The following AGTPBP1 variants were observed in gnomAD, a reference collection of about 807,000 sequenced individuals.
AGTPBP1 encodes cytosolic carboxypeptidase 1.
A neutral mutation model predicts 143.9 loss-of-function variants in AGTPBP1; 70 were observed. The ratio of observed to expected loss-of-function variants is 0.49; its 90% CI spans 0.40 to 0.59. The LOEUF is 0.59. Ranked by LOEUF, AGTPBP1 falls within the 20% of genes least tolerant of loss-of-function variation. AGTPBP1 has a pLI of 0.00. For synonymous variants in AGTPBP1, 463 were observed against 500.2 expected, an observed-to-expected ratio of 0.93 and a Z score of 0.99; for missense variants, 1,229 against 1,464.5, an observed-to-expected ratio of 0.84 and a Z score of 2.62.
At chr9:85,745,361 GGATTGATT>G (rs1824568343), upstream of AGTPBP1, among the ~76,000 whole-genome samples, 1 of 152,190 alleles carries the variant, frequency 6.6e-6, no homozygotes, top group Non-Finnish European at 1.5e-5. Flanking sequence ...TGGAGTTAGA[GGATTGATT>G]GTTATAACTA....
intron 1 of AGTPBP1, among the ~76,000 whole-genome samples, chr9:85,724,227 C>T (rs1296336622): frequency 1.4e-5 from 2 of 142,218 alleles, no homozygotes; most frequent in Non-Finnish European, 3.0e-5. Context: ...GCAGGGGTTA[C>T]AGTGAGCCAA....
intron 25 of AGTPBP1, among the ~76,000 whole-genome samples, chr9:85,568,974 T>G (rs1827283176): frequency 6.6e-6 from 1 of 152,092 alleles, no homozygotes; most frequent in African/African-American, 2.4e-5. Context: ...ATTGTAAGTA[T>G]TTTGGAGTTG....
Position 85,626,158 on chromosome 9 carries a change from T to C in AGTPBP1, c.2016-4873A>G, listed in dbSNP as rs1035081578. Among the ~76,000 whole-genome samples the C allele has an allele frequency of 5.3e-5, 8 of 152,142 alleles. No homozygotes were observed. In the East Asian group the frequency reaches 1.5e-3, roughly 29 times the overall value. On this transcript the variant is annotated intron_variant, in intron 14 of 25. Transcript: ENST00000357081. ...TAAGTAATCATCAGTGTGTTTGCAA[T>C]ACAATTTTTTAAATGTTAGTGTGCT...
chr9:85,804,348 T>C, the AGTPBP1 span, among the ~76,000 whole-genome samples: 1 of 152,150 alleles, frequency 6.6e-6, no homozygotes, highest in Admixed American at 6.5e-5. Context: ...AAACTCTCCC[T>C]GTCTCCTTCA....
chr9:85,552,657 GATA>G (rs1826101954), intron 25 of AGTPBP1, among the ~76,000 whole-genome samples: 1 of 152,308 alleles, frequency 6.6e-6, no homozygotes, highest in Admixed American at 6.5e-5. Flanking sequence ...CTCATATGAT[GATA>G]ATAATAAAAC....
chr9:85,610,779 C>G (rs1292844486), intron 17 of AGTPBP1, among the ~76,000 whole-genome samples: 2 of 152,118 alleles, frequency 1.3e-5, no homozygotes, highest in African/African-American at 4.8e-5. Context: ...GTCATCAGCC[C>G]CCACCCTTAA....
At chr9:85,707,766 A>G (rs1381884553) in intron 2 of AGTPBP1, among the ~76,000 whole-genome samples, 1 of 152,200 alleles carries the variant, frequency 6.6e-6, no homozygotes, top group Non-Finnish European at 1.5e-5. Flanking sequence ...TACAGGCTAG[A>G]GATCAGAAAT....
the AGTPBP1 span, among the ~76,000 whole-genome samples, chr9:85,802,994 G>A: frequency 1.3e-5 from 2 of 152,200 alleles, no homozygotes; most frequent in Non-Finnish European, 2.9e-5. Flanking sequence ...TCAGGGAGAA[G>A]GGGAGACTAA....
intron 17 of AGTPBP1, among the ~76,000 whole-genome samples, chr9:85,615,540 G>A (rs79593233): frequency 0.024 from 3,587 of 151,980 alleles, 123 homozygotes; most frequent in African/African-American, 0.075. Flanking sequence ...ACAAATTATT[G>A]TACAGTTTTA....
chr9:85,692,812 G>C lies in AGTPBP1; in HGVS notation c.34C>G (p.Leu12Val). 1 of 1,612,772 alleles carries C rather than the reference G, an allele frequency of 6.2e-7. No homozygotes were observed. Among genetic ancestry groups the C allele is most frequent in the South Asian group, 1.1e-5 (1 of 90,800 alleles). ...CCTACGATCCTAGAATTATTGGTAA[G>C]GCTAAAAAGAACGTAGAATGTTAGG... ...SKLKVIPEKS[L>V]TNNSRIVGLL... The change falls in exon 3 of 26, where the codon CTT becomes GTT. Residue 12 changes from leucine to valine, a missense_variant and splice_region_variant. This residue lies in a region of AGTPBP1 where 743 missense variants were observed against 812.2 expected (regional missense o/e 0.91). Transcript: ENST00000357081.
intron 25 of AGTPBP1, among the ~76,000 whole-genome samples, chr9:85,561,824 A>G (rs1431044610): frequency 6.6e-6 from 1 of 151,670 alleles, no homozygotes; most frequent in African/African-American, 2.4e-5. Context: ...AAAAAAAGAT[A>G]AAAGTACAAT....
In AGTPBP1 at chr9:85,739,764, T is replaced by A. The variant is rs544578169; in HGVS notation, c.-34+2011A>T. Among the ~76,000 whole-genome samples the A allele has an allele frequency of 1.1e-4, 17 of 150,464 alleles. No individual in the cohort carries two copies. The South Asian group carries it at 3.6e-3, about 32-fold the overall frequency. Reference sequence around the variant, plus strand: ...CTTGGTGGCTCACGCCTGTAATCCCTGCACCTTAAGAAGCTGAGGCTAGTG... The same window carrying A: ...CTTGGTGGCTCACGCCTGTAATCCCAGCACCTTAAGAAGCTGAGGCTAGTG... On this transcript the variant is annotated intron_variant, in intron 1 of 25. Transcript: ENST00000357081.
At chr9:85,643,758 A>G (rs1587814178) in intron 12 of AGTPBP1, among the ~76,000 whole-genome samples, 1 of 152,184 alleles carries the variant, frequency 6.6e-6, no homozygotes, top group Non-Finnish European at 1.5e-5. Context: ...TCTTCAGAGA[A>G]GAGCTAATGA....
intron 24 of AGTPBP1, among the ~76,000 whole-genome samples, chr9:85,577,555 G>C (rs1827975071): frequency 6.6e-6 from 1 of 152,130 alleles, no homozygotes; most frequent in Admixed American, 6.5e-5. Context: ...ACACTGACTA[G>C]AAGTCACTGT....
At chr9:85,705,610 G>A (rs1281797617) in intron 2 of AGTPBP1, among the ~76,000 whole-genome samples, 1 of 152,194 alleles carries the variant, frequency 6.6e-6, no homozygotes, top group Non-Finnish European at 1.5e-5. Context: ...TAAACTAAAA[G>A]TAGTGTGCTG....
chr9:85,780,795 A>C, the AGTPBP1 span, among the ~76,000 whole-genome samples: 97 of 152,298 alleles, frequency 6.4e-4, no homozygotes, highest in East Asian at 0.017. Flanking sequence ...CTTATCCTTT[A>C]AATATATAGT....
At chr9:85,766,660 AGCTTCTAT>A in the AGTPBP1 span, among the ~76,000 whole-genome samples, 1 of 151,992 alleles carries the variant, frequency 6.6e-6, no homozygotes, top group Non-Finnish European at 1.5e-5. Context: ...TACTCACATG[AGCTTCTAT>A]GCACCTTTCT....
chr9:85,758,106 T>C, the AGTPBP1 span, among the ~76,000 whole-genome samples: 2 of 151,466 alleles, frequency 1.3e-5, no homozygotes, highest in Non-Finnish European at 3.0e-5. Context: ...ACATATATGC[T>C]GTTACCACAA....
intron 5 of AGTPBP1, among the ~76,000 whole-genome samples, chr9:85,677,846 A>C (rs554422919): frequency 6.6e-6 from 1 of 152,226 alleles, no homozygotes; most frequent in South Asian, 2.1e-4. Context: ...TCAACTAAAA[A>C]TACAAAAATT....
Sources: gnomAD v4.1 joint callset for allele counts (sites outside exome capture counted in the v4.1 genomes callset) on GRCh38, gnomAD v4.1.1 for gene constraint, gnomAD v4.1.1 regional missense constraint, MANE v1.5 for transcripts, NCBI Gene and HGNC (gene_info 2026-07-23, HGNC 2026-07-21) for gene names.